The following GRM7 variants were observed in gnomAD, a reference collection of about 807,000 sequenced individuals.
GRM7 encodes glutamate metabotropic receptor 7.
In GRM7, 35 loss-of-function variants were observed where a neutral mutation model predicts 84.5. That is an observed-to-expected ratio of 0.41 (90% CI 0.32 to 0.55). The LOEUF (loss-of-function observed/expected upper bound fraction) is 0.55, where lower values mean the gene tolerates loss of function less well. Among genes scored for constraint, GRM7 ranks in the 20% least tolerant of loss-of-function variants. The probability of loss-of-function intolerance (pLI) is 0.19; values close to 1 mark genes in which losing one functional copy is unlikely to be tolerated. For synonymous variants in GRM7, 487 were observed against 455.1 expected (o/e 1.07, Z -0.89); for missense variants, 1,003 against 1,194.6 (o/e 0.84, Z 2.36).
intron 7 of GRM7, among the ~76,000 whole-genome samples, chr3:7,570,744 G>A (rs755195258): frequency 2.6e-5 from 4 of 152,224 alleles, no homozygotes; most frequent in East Asian, 1.9e-4. Flanking sequence ...ACTAGGTGGT[G>A]CCTCAGTAGG....
rs1007231406 is a variant in GRM7, at chr3:7,447,091, AAAGTT to A, written c.1175-5512_1175-5508del. Among the ~76,000 whole-genome samples, 15 of 152,296 alleles carry A rather than the reference AAAGTT, an allele frequency of 9.8e-5. 1 individual carries two copies. In the Middle Eastern group the frequency reaches 0.01, roughly 104 times the overall value. On this transcript the variant is annotated intron_variant, in intron 5 of 9. Coordinates refer to ENST00000357716, the MANE Select transcript of GRM7 (RefSeq NM_000844.4). ...ATGAGAAGAAAATCGGGAGACGTGAAAAGTTAAGCTTTGCATACTAGAGAGGTAAA... is the reference window on the plus strand; with the variant it reads ...ATGAGAAGAAAATCGGGAGACGTGAAAAGCTTTGCATACTAGAGAGGTAAA...
intron 9 of GRM7, among the ~76,000 whole-genome samples, chr3:7,712,110 C>G (rs772717581): frequency 1.3e-5 from 2 of 152,146 alleles, no homozygotes; most frequent in Non-Finnish European, 2.9e-5. Flanking sequence ...TCCTGTTCCC[C>G]GTGCCAGCGG....
intron 1 of GRM7, among the ~76,000 whole-genome samples, chr3:6,987,159 C>T (rs954829087): frequency 1.3e-5 from 2 of 152,100 alleles, no homozygotes; most frequent in African/African-American, 4.8e-5. Flanking sequence ...TTCTAGCCTT[C>T]TGTGGTGCTT....
At chr3:6,998,136 A>AAAAAAAAAAAAAAAAAAAAAAAAC (rs1694887825) in intron 1 of GRM7, among the ~76,000 whole-genome samples, 1 of 147,930 alleles carries the variant, frequency 6.8e-6, no homozygotes, top group Non-Finnish European at 1.5e-5. Flanking sequence ...AAAAAAAAAA[A>AAAAAAAAAAAAAAAAAAAAAAAAC]AAAGCAGGTT....
At chr3:7,388,835 C>G (rs894537278) in intron 4 of GRM7, among the ~76,000 whole-genome samples, 6 of 151,920 alleles carry the variant, frequency 3.9e-5, no homozygotes, top group African/African-American at 9.7e-5. Flanking sequence ...TTTAAAGAAG[C>G]AATTTTTCAT....
intron 8 of GRM7, among the ~76,000 whole-genome samples, chr3:7,674,371 T>A (rs1409942068): frequency 2.6e-5 from 4 of 152,048 alleles, no homozygotes; most frequent in Non-Finnish European, 4.4e-5. Flanking sequence ...GTTGTATTTT[T>A]AATAGAGATG....
At chr3:7,667,386 A>G (rs1423922431) in intron 8 of GRM7, among the ~76,000 whole-genome samples, 14 of 152,084 alleles carry the variant, frequency 9.2e-5, no homozygotes, top group African/African-American at 2.2e-4. Context: ...TGACATCCCT[A>G]TAGACATTTC....
At chr3:7,153,872 A>AAC (rs1694364327) in intron 2 of GRM7, among the ~76,000 whole-genome samples, 1 of 152,192 alleles carries the variant, frequency 6.6e-6, no homozygotes, top group Non-Finnish European at 1.5e-5. Flanking sequence ...TAGAGTAATG[A>AAC]ACACAGCCTG....
intron 2 of GRM7, among the ~76,000 whole-genome samples, chr3:7,261,681 A>G (rs1698427393): frequency 6.6e-6 from 1 of 152,198 alleles, no homozygotes; most frequent in Non-Finnish European, 1.5e-5. Context: ...GTTGCTTTAT[A>G]GTGTCACTGG....
intron 9 of GRM7, among the ~76,000 whole-genome samples, chr3:7,708,664 A>G (rs1464265514): frequency 6.6e-6 from 1 of 152,076 alleles, no homozygotes; most frequent in East Asian, 1.9e-4. Context: ...GAGGGACAGA[A>G]AGAGTTTGAA....
At chr3:7,339,676 C>A (rs950805187) in intron 4 of GRM7, among the ~76,000 whole-genome samples, 1 of 152,108 alleles carries the variant, frequency 6.6e-6, no homozygotes, top group Middle Eastern at 3.4e-3. Context: ...CAAGGGAAAT[C>A]CTGCTTCTTC....
intron 2 of GRM7, among the ~76,000 whole-genome samples, chr3:7,270,085 T>C (rs928599003): frequency 2.0e-5 from 3 of 152,230 alleles, no homozygotes; most frequent in African/African-American, 7.2e-5. Flanking sequence ...AGAAAGGCCA[T>C]AGCATTTACA....
At chr3:7,732,623 C>T (rs564358252) in intron 9 of GRM7, among the ~76,000 whole-genome samples, 1 of 152,222 alleles carries the variant, frequency 6.6e-6, no homozygotes, top group African/African-American at 2.4e-5. Context: ...TGTGGCTTCT[C>T]AAGTACGACT....
chr3:7,449,199 A>C (rs62233373), intron 5 of GRM7, among the ~76,000 whole-genome samples: 53,050 of 151,972 alleles, frequency 0.35, 10,747 homozygotes, highest in Non-Finnish European at 0.48. Flanking sequence ...ATGAAATACC[A>C]GTAAAATGAT....
At chr3:7,735,311 G>A (rs1346037626) in intron 9 of GRM7, among the ~76,000 whole-genome samples, 2 of 138,784 alleles carry the variant, frequency 1.4e-5, no homozygotes, top group East Asian at 2.0e-4. Flanking sequence ...GATAGGCAGG[G>A]TTAAGGTTTA....
intron 2 of GRM7, among the ~76,000 whole-genome samples, chr3:7,251,588 T>C (rs1280503176): frequency 6.6e-6 from 1 of 152,200 alleles, no homozygotes; most frequent in African/African-American, 2.4e-5. Flanking sequence ...TTATGATCCT[T>C]GTATTTTTAC....
chr3:6,970,610 A>C (rs1369860654), intron 1 of GRM7, among the ~76,000 whole-genome samples: 1 of 152,080 alleles, frequency 6.6e-6, no homozygotes, highest in Admixed American at 6.6e-5. Flanking sequence ...GTTATCTCTT[A>C]GGCTGGTGTG....
At chr3:7,660,633 A>G (rs1699403214) in intron 8 of GRM7, among the ~76,000 whole-genome samples, 1 of 152,238 alleles carries the variant, frequency 6.6e-6, no homozygotes, top group Non-Finnish European at 1.5e-5. Flanking sequence ...GGCTTCTTAT[A>G]GAAACTGACA....
intron 7 of GRM7, among the ~76,000 whole-genome samples, chr3:7,570,166 G>T (rs1338082781): frequency 3.3e-5 from 5 of 152,124 alleles, no homozygotes; most frequent in Non-Finnish European, 7.4e-5. Context: ...GATTTGGGTG[G>T]GGATACAGCC....
Sources: gnomAD v4.1 joint callset for allele counts (sites outside exome capture counted in the v4.1 genomes callset) on GRCh38, gnomAD v4.1.1 for gene constraint, MANE v1.5 for transcripts, NCBI Gene and HGNC (gene_info 2026-07-23, HGNC 2026-07-21) for gene names.